IQUB: variants seen among roughly 807,000 people sequenced by gnomAD.
IQUB encodes IQ motif and ubiquitin-like domain-containing protein.
IQUB carries 86 observed loss-of-function variants against 86.4 expected under a neutral mutation model. The ratio of observed to expected loss-of-function variants is 1.00; its 90% CI spans 0.84 to 1.19. IQUB has a LOEUF of 1.19. IQUB is among the 50% of genes most tolerant of loss of function. IQUB has a pLI of 0.00. For missense variants in IQUB, 946 were observed against 916.9 expected (o/e 1.03, Z -0.41); for synonymous variants, 289 against 304.5 (o/e 0.95, Z 0.53).
At position 123,502,590 on chromosome 7, in the gene IQUB, A is replaced by G; in HGVS notation, c.1023+7T>C. 6.2e-7 allele frequency: 1 copy of G among 1,607,720 alleles called. No homozygotes were observed. The highest frequency in any genetic ancestry group is 1.1e-5 in the South Asian group (1 of 89,092). ...TTAGTATTCATCCACAATAAAAGTT[A>G]TCTCACCGCCTTTAGTCTTTGAGCA... On this transcript the variant is annotated splice_region_variant and intron_variant, in intron 6 of 12. Transcript: ENST00000324698.
At chr7:123,519,567 G>A (rs1670723175) in intron 1 of IQUB, among the ~76,000 whole-genome samples, 1 of 152,154 alleles carries the variant, frequency 6.6e-6, no homozygotes, top group Non-Finnish European at 1.5e-5. Context: ...AATATCACAT[G>A]TTCTCATTCA....
intron 12 of IQUB, among the ~76,000 whole-genome samples, chr7:123,453,541 G>A (rs940059379): frequency 7.9e-5 from 12 of 151,646 alleles, no homozygotes; most frequent in African/African-American, 2.7e-4. Flanking sequence ...ATTACTGAGA[G>A]GTACATGTAA....
chr7:123,467,752 C>T (rs554817667), intron 9 of IQUB, among the ~76,000 whole-genome samples: 2 of 152,312 alleles, frequency 1.3e-5, no homozygotes, highest in South Asian at 4.1e-4. Flanking sequence ...AGCCCCTGAA[C>T]TGCCCTTGTC....
Position 123,469,385 on chromosome 7 carries a change from C to G in IQUB, c.1411-1G>C. On this transcript the variant is annotated splice_acceptor_variant, in intron 8 of 12. Coordinates refer to ENST00000324698, the MANE Select transcript of IQUB (RefSeq NM_178827.5). LOFTEE classifies it high-confidence loss of function. Reference sequence around the variant, plus strand: ...TTCTCCATATTTTTGGAGCTGAACACTTAAAAATAATATTATGTTTATAAT... The same window carrying G: ...TTCTCCATATTTTTGGAGCTGAACAGTTAAAAATAATATTATGTTTATAAT... 1 of 1,529,326 alleles carries G rather than the reference C, an allele frequency of 6.5e-7. No homozygotes were observed. Among genetic ancestry groups the G allele is most frequent in the Admixed American group, 2.1e-5 (1 of 48,552 alleles). The allele number at this position is 1,529,326 out of a possible 1,614,324, so 94.7% of individuals were successfully genotyped here.
intron 1 of IQUB, among the ~76,000 whole-genome samples, chr7:123,514,824 CTACTTA>C (rs1796571109): frequency 6.6e-6 from 1 of 152,224 alleles, no homozygotes; most frequent in South Asian, 2.1e-4. Flanking sequence ...TATTTCACTC[CTACTTA>C]TAAGTGAGAA....
intron 6 of IQUB, chr7:123,502,072 T>A (rs947873085): frequency 1.3e-5 from 2 of 153,104 alleles, no homozygotes; most frequent in African/African-American, 4.8e-5. Flanking sequence ...AGATTTCTTG[T>A]CATTTGAAAA....
At chr7:123,533,125 G>A (rs1797623249) in intron 1 of IQUB, among the ~76,000 whole-genome samples, 1 of 152,212 alleles carries the variant, frequency 6.6e-6, no homozygotes, top group Non-Finnish European at 1.5e-5. Context: ...CGGAGCAGAG[G>A]GGAGAAAATT....
At chr7:123,528,030 T>A (rs1797339873) in intron 1 of IQUB, among the ~76,000 whole-genome samples, 1 of 152,258 alleles carries the variant, frequency 6.6e-6, no homozygotes, top group African/African-American at 2.4e-5. Flanking sequence ...CGCCGTTTTT[T>A]AAGCCTGTCG....
chr7:123,532,190 A>G (rs1797564183), intron 1 of IQUB, among the ~76,000 whole-genome samples: 1 of 152,222 alleles, frequency 6.6e-6, no homozygotes, highest in African/African-American at 2.4e-5. Flanking sequence ...AGTAAACTGA[A>G]AAGAGTCCTA....
chr7:123,528,085 C>T (rs1197789389), intron 1 of IQUB, among the ~76,000 whole-genome samples: 1 of 152,192 alleles, frequency 6.6e-6, no homozygotes, highest in Non-Finnish European at 1.5e-5. Context: ...TTTCCAGGTG[C>T]CGTCTGTCAC....
At position 123,488,349 on chromosome 7, in the gene IQUB, G is replaced by GAA. The variant is rs536092384; in HGVS notation, c.1234+8345_1234+8346dup. Among the ~76,000 whole-genome samples the GAA allele has an allele frequency of 4.0e-4, 39 of 97,978 alleles. 1 individual carries two copies. The highest frequency in any genetic ancestry group is 2.0e-3 in the South Asian group (6 of 2,998). The allele number at this position is 97,978 out of a possible 152,430, so 64.3% of individuals were successfully genotyped here. A position where few individuals can be genotyped will look rare whatever the true frequency, so the allele number is the denominator to read the frequency against. On this transcript the variant is annotated intron_variant, in intron 7 of 12. Transcript: ENST00000324698. ...GAGCAAGACTCTGTCTCAAAAAAAA[G>GAA]AAAAAAAAAAAAAAAGAAAAGCTGA...
Position 123,484,798 on chromosome 7 carries a change from C to A in IQUB, c.1235-4828G>T, listed in dbSNP as rs748811534. On this transcript the variant is annotated intron_variant, in intron 7 of 12. Coordinates refer to ENST00000324698, the MANE Select transcript of IQUB (RefSeq NM_178827.5). ...TTAAAAAGGAAACAACCCAACCAAGCTGACGAGAAATGAAAATAAAAGACC... is the reference window on the plus strand; with the variant it reads ...TTAAAAAGGAAACAACCCAACCAAGATGACGAGAAATGAAAATAAAAGACC... Among the ~76,000 whole-genome samples, 3 of 152,018 alleles carry A rather than the reference C, an allele frequency of 2.0e-5. No individual in the cohort carries two copies. In the South Asian group the frequency reaches 6.2e-4, roughly 31 times the overall value.
chr7:123,527,419 C>T (rs376390118), intron 1 of IQUB, among the ~76,000 whole-genome samples: 11 of 152,172 alleles, frequency 7.2e-5, no homozygotes, highest in South Asian at 2.1e-4. Context: ...AGTTTTTCTG[C>T]TCTGTTTTTT....
intron 1 of IQUB, among the ~76,000 whole-genome samples, chr7:123,518,791 A>C (rs1187352314): frequency 6.7e-6 from 1 of 150,026 alleles, no homozygotes; most frequent in Non-Finnish European, 1.5e-5. Context: ...ACACAGTTTC[A>C]CTATGTTGGC....
At chr7:123,516,897 T>C (rs1796662007) in intron 1 of IQUB, among the ~76,000 whole-genome samples, 1 of 152,166 alleles carries the variant, frequency 6.6e-6, no homozygotes. Context: ...TCATCCTACC[T>C]ACAAGCTAAC....
chr7:123,488,146 C>T (rs1424192324), intron 7 of IQUB, among the ~76,000 whole-genome samples: 1 of 151,408 alleles, frequency 6.6e-6, no homozygotes, highest in Non-Finnish European at 1.5e-5. Context: ...GAGATCGAGA[C>T]CACGGTGAAA....
At chr7:123,466,050 A>C (rs918994179) in intron 9 of IQUB, among the ~76,000 whole-genome samples, 5 of 152,206 alleles carry the variant, frequency 3.3e-5, no homozygotes, top group Admixed American at 2.6e-4. Flanking sequence ...CACTATATTA[A>C]GTTTTTATGT....
At chr7:123,473,776 A>G (rs932414097) in intron 8 of IQUB, among the ~76,000 whole-genome samples, 1 of 149,978 alleles carries the variant, frequency 6.7e-6, no homozygotes, top group African/African-American at 2.4e-5. Flanking sequence ...TAGTAGAGAC[A>G]TGGTTTTACC....
chr7:123,510,127 A>G (rs939397217), intron 2 of IQUB, 92 bp from the exon 3 acceptor site: 2 of 762,594 alleles, frequency 2.6e-6, no homozygotes, highest in African/African-American at 3.6e-5. Flanking sequence ...TTATGTGTTA[A>G]TTTTTAATTA....
Sources: allele counts gnomAD v4.1 joint callset (sites outside exome capture counted in the v4.1 genomes callset), GRCh38; gene constraint gnomAD v4.1.1; transcripts MANE v1.5; gene names NCBI Gene and HGNC (gene_info 2026-07-23, HGNC 2026-07-21).